FNBP1: variants seen among roughly 807,000 people sequenced by gnomAD.
FNBP1 encodes the protein formin-binding protein 1.
FNBP1 carries 26 observed loss-of-function variants against 90.6 expected under a neutral mutation model. That is an observed-to-expected ratio of 0.29 (90% confidence interval 0.21 to 0.40). The LOEUF is 0.40. Ranked by LOEUF, FNBP1 falls within the 10% of genes least tolerant of loss-of-function variation. FNBP1 has a pLI of 1.00. For missense variants in FNBP1, 635 were observed against 768.0 expected (o/e 0.83, Z 2.05); for synonymous variants, 260 against 265.2 (o/e 0.98, Z 0.19).
chr9:129,902,045 G>C (rs542268378), intron 13 of FNBP1, among the ~76,000 whole-genome samples: 1 of 152,152 alleles, frequency 6.6e-6, no homozygotes, highest in African/African-American at 2.4e-5. Context: ...GTGGGTTCAG[G>C]AGGCTTTTGT....
intron 6 of FNBP1, among the ~76,000 whole-genome samples, chr9:129,938,060 G>A (rs1192982451): frequency 6.6e-6 from 1 of 152,084 alleles, no homozygotes; most frequent in East Asian, 1.9e-4. Flanking sequence ...GCTCCTAGGA[G>A]GCTGAGGCAG....
At chr9:129,949,894 A>G (rs1460704122) in intron 6 of FNBP1, among the ~76,000 whole-genome samples, 1 of 152,204 alleles carries the variant, frequency 6.6e-6, no homozygotes, top group Admixed American at 6.5e-5. Flanking sequence ...TATCAATTGT[A>G]TCAAGCACAA....
intron 6 of FNBP1, among the ~76,000 whole-genome samples, chr9:129,941,304 A>T (rs939916692): frequency 6.6e-6 from 1 of 152,160 alleles, no homozygotes; most frequent in East Asian, 1.9e-4. Context: ...CAGGAGAATC[A>T]CTTGAACATG....
At position 129,925,106 on chromosome 9, in the gene FNBP1, C is replaced by G; in HGVS notation, c.841G>C (p.Asp281His). The change falls in exon 9 of 17, where the codon GAC becomes CAC. Residue 281 changes from aspartate to histidine, a missense_variant. Asp to His is a moderately conservative substitution (Grantham distance 81). Coordinates refer to ENST00000446176, the MANE Select transcript of FNBP1 (RefSeq NM_015033.3). The part of the protein sequence containing the change: ...AYKSGFEPPG[D>H]IEFEDYTQPM... ...TGAGTGTAATCCTCAAATTCAATGT[C>G]TCCAGGAGGCTCAAACCCTGATTTA... 6.2e-7 allele frequency: 1 copy of G among 1,613,926 alleles called. No individual in the cohort carries two copies. Among genetic ancestry groups the G allele is most frequent in the Non-Finnish European group, 8.5e-7 (1 of 1,179,826 alleles).
At chr9:130,013,400 C>A (rs1472239292) in intron 1 of FNBP1, among the ~76,000 whole-genome samples, 2 of 152,126 alleles carry the variant, frequency 1.3e-5, no homozygotes, top group Admixed American at 6.5e-5. Flanking sequence ...CATATTAAAA[C>A]CACAATGAAA....
intron 13 of FNBP1, among the ~76,000 whole-genome samples, chr9:129,902,473 T>TG (rs2037140681): frequency 6.6e-6 from 1 of 152,280 alleles, no homozygotes; most frequent in African/African-American, 2.4e-5. Flanking sequence ...TAGCCAGGTA[T>TG]GGTGGCATGT....
intron 2 of FNBP1, among the ~76,000 whole-genome samples, chr9:129,994,282 G>A (rs972010582): frequency 2.0e-5 from 3 of 152,252 alleles, no homozygotes; most frequent in East Asian, 1.9e-4. Flanking sequence ...TCTCACAAAC[G>A]TAATATAGAA....
At chr9:129,988,567 T>C (rs1027756562) in intron 2 of FNBP1, among the ~76,000 whole-genome samples, 4 of 151,852 alleles carry the variant, frequency 2.6e-5, no homozygotes, top group African/African-American at 9.7e-5. Flanking sequence ...GTCCCAGCTG[T>C]TCAGGAGGCT....
upstream of FNBP1, among the ~76,000 whole-genome samples, chr9:130,046,775 C>CAAAAAAA (rs34811454): frequency 1.2e-5 from 1 of 83,196 alleles, no homozygotes; most frequent in Non-Finnish European, 2.4e-5. Flanking sequence ...GACTTTATCT[C>CAAAAAAA]AAAAAAAAAA....
At chr9:129,929,431 A>AGTGG in intron 7 of FNBP1, 136 bp downstream of exon 7, 2 of 821,652 alleles carry the variant, frequency 2.4e-6, no homozygotes, top group South Asian at 4.1e-5. Context: ...AAAAAAAAAA[A>AGTGG]AAAATTAGTG....
At chr9:130,013,157 T>G (rs1368424957) in intron 1 of FNBP1, among the ~76,000 whole-genome samples, 1 of 152,064 alleles carries the variant, frequency 6.6e-6, no homozygotes, top group Admixed American at 6.6e-5. Flanking sequence ...ATTTTTTATG[T>G]TTTTAAGAGA....
chr9:130,053,826 C>A, the FNBP1 span: 1 of 1,079,382 alleles, frequency 9.3e-7, no homozygotes, highest in Non-Finnish European at 1.3e-6. Context: ...ACCACAGGGT[C>A]AGCGGAGCTA....
intron 1 of FNBP1, among the ~76,000 whole-genome samples, chr9:130,006,140 T>G (rs1219762927): frequency 2.6e-5 from 4 of 152,144 alleles, no homozygotes; most frequent in Non-Finnish European, 5.9e-5. Flanking sequence ...ATTCTAGAAC[T>G]TGCCATTAAA....
chr9:130,009,684 C>G (rs1455012017), intron 1 of FNBP1, among the ~76,000 whole-genome samples: 1 of 152,138 alleles, frequency 6.6e-6, no homozygotes, highest in African/African-American at 2.4e-5. Flanking sequence ...GGCCTGTAGT[C>G]TCATCTACTC....
At chr9:129,977,729 T>TGATC (rs1189869005) in intron 4 of FNBP1, among the ~76,000 whole-genome samples, 1 of 152,092 alleles carries the variant, frequency 6.6e-6, no homozygotes, top group African/African-American at 2.4e-5. Flanking sequence ...TTAGCTCAGG[T>TGATC]GATCCATCTG....
intron 4 of FNBP1, 157 bp downstream of exon 4, chr9:129,978,308 C>T (rs983001761): frequency 6.3e-6 from 4 of 631,854 alleles, no homozygotes; most frequent in South Asian, 2.2e-5. Context: ...CATGAGCCAC[C>T]GTGCCCAGCT....
At chr9:130,040,026 T>C (rs949525847) in intron 1 of FNBP1, among the ~76,000 whole-genome samples, 4 of 152,222 alleles carry the variant, frequency 2.6e-5, no homozygotes, top group African/African-American at 9.7e-5. Flanking sequence ...TCATTATACA[T>C]GTGCATGATT....
At chr9:129,917,032 A>G (rs180700093) in intron 10 of FNBP1, among the ~76,000 whole-genome samples, 149 of 150,110 alleles carry the variant, frequency 9.9e-4, no homozygotes, top group Admixed American at 1.7e-3. Flanking sequence ...TTTTTTTTTG[A>G]GACAGGGTCT....
chr9:129,912,195 C>T (rs1337448256), intron 11 of FNBP1, among the ~76,000 whole-genome samples: 3 of 152,042 alleles, frequency 2.0e-5, no homozygotes, highest in Non-Finnish European at 4.4e-5. Context: ...TAAAGGACAC[C>T]CAGCTAGTGT....
Sources: gnomAD v4.1 joint callset for allele counts (sites outside exome capture counted in the v4.1 genomes callset) on GRCh38, gnomAD v4.1.1 for gene constraint, MANE v1.5 for transcripts, NCBI Gene and HGNC (gene_info 2026-07-23, HGNC 2026-07-21) for gene names.